The following SEPTIN10 variants were observed in gnomAD, a reference collection of about 807,000 sequenced individuals.
SEPTIN10 encodes the protein septin 10, also known as septin-10.
A neutral mutation model predicts 54.8 loss-of-function variants in SEPTIN10; 66 were observed. The ratio of observed to expected loss-of-function variants is 1.21; its 90% CI spans 0.99 to 1.48. The LOEUF (loss-of-function observed/expected upper bound fraction) is 1.48. Among genes scored for constraint, SEPTIN10 ranks in the 40% most tolerant of loss-of-function variants. The pLI is 0.00. For synonymous variants in SEPTIN10, 161 were observed against 181.0 expected (o/e 0.89, Z 0.89); for missense variants, 620 against 545.6 (o/e 1.14, Z -1.36).
chr2:109,613,706 G>A, intron 1 of SEPTIN10, 92 bp downstream of exon 1: 1 of 880,178 alleles, frequency 1.1e-6, no homozygotes, highest in Non-Finnish European at 1.5e-6. Flanking sequence ...TCACAATCCC[G>A]GGCCGGACCA....
At chr2:109,581,570 G>A (rs1427915940) in intron 4 of SEPTIN10, among the ~76,000 whole-genome samples, 2 of 151,598 alleles carry the variant, frequency 1.3e-5, no homozygotes, top group African/African-American at 4.8e-5. Flanking sequence ...TCCTCTGGGG[G>A]AAGAAATGGG....
At chr2:109,568,401 T>G (rs1380405664) in intron 5 of SEPTIN10, among the ~76,000 whole-genome samples, 2 of 141,012 alleles carry the variant, frequency 1.4e-5, no homozygotes, top group Admixed American at 1.5e-4. Context: ...TGAGATGGAG[T>G]CTCGCTGTAA....
intron 1 of SEPTIN10, among the ~76,000 whole-genome samples, chr2:109,594,477 T>C (rs1293719591): frequency 6.6e-6 from 1 of 152,208 alleles, no homozygotes; most frequent in Non-Finnish European, 1.5e-5. Context: ...GGTTTTTTTT[T>C]GCTGAATCTC....
At chr2:109,565,245 AG>A (rs1686698685) in intron 7 of SEPTIN10, among the ~76,000 whole-genome samples, 1 of 152,172 alleles carries the variant, frequency 6.6e-6, no homozygotes, top group Non-Finnish European at 1.5e-5. Flanking sequence ...AATCCATACT[AG>A]TAAGGGTAAT....
chr2:109,574,002 G>A (rs1036589460), intron 5 of SEPTIN10, among the ~76,000 whole-genome samples: 1 of 152,166 alleles, frequency 6.6e-6, no homozygotes, highest in Non-Finnish European at 1.5e-5. Context: ...CATTAAAAAT[G>A]CAGAGAATAC....
At chr2:109,612,732 AAC>A (rs1299244593) in intron 1 of SEPTIN10, among the ~76,000 whole-genome samples, 3 of 152,196 alleles carry the variant, frequency 2.0e-5, no homozygotes, top group African/African-American at 7.2e-5. Context: ...CATGCACACA[AAC>A]ACAGCAACTG....
intron 9 of SEPTIN10, among the ~76,000 whole-genome samples, chr2:109,548,661 A>G (rs1428180936): frequency 6.6e-6 from 1 of 150,952 alleles, no homozygotes; most frequent in Non-Finnish European, 1.5e-5. Context: ...CTGTAGTCCC[A>G]GCTACTCGGG....
chr2:109,565,938 A>G, intron 6 of SEPTIN10, 79 bp from the exon 7 acceptor site: 1 of 1,251,708 alleles, frequency 8.0e-7, no homozygotes, highest in East Asian at 2.3e-5. Flanking sequence ...GTGAGAGAGA[A>G]GAGAATAATT....
chr2:109,571,393 T>C (rs531786244), intron 5 of SEPTIN10, among the ~76,000 whole-genome samples: 1 of 152,340 alleles, frequency 6.6e-6, no homozygotes, highest in African/African-American at 2.4e-5. Flanking sequence ...TTATAGCCTA[T>C]GACACACCTA....
chr2:109,584,006 C>T (rs912103895), intron 4 of SEPTIN10, among the ~76,000 whole-genome samples: 6 of 152,170 alleles, frequency 3.9e-5, no homozygotes, highest in Middle Eastern at 3.4e-3. Context: ...AAGGAAGATA[C>T]CCGGTAAAGG....
At chr2:109,545,920 G>A in intron 10 of SEPTIN10, 130 bp downstream of exon 10, 1 of 1,449,670 alleles carries the variant, frequency 6.9e-7, no homozygotes, top group South Asian at 1.5e-5. Flanking sequence ...CTCCTCTCCA[G>A]GAGCTGACAT....
intron 8 of SEPTIN10, among the ~76,000 whole-genome samples, chr2:109,562,296 C>T (rs1468722649): frequency 1.3e-5 from 2 of 151,908 alleles, no homozygotes; most frequent in African/African-American, 4.8e-5. Context: ...CACTACCCCT[C>T]TCTTTCACGC....
At chr2:109,545,674 G>T (rs755558106) in intron 10 of SEPTIN10, 2 of 1,469,428 alleles carry the variant, frequency 1.4e-6, no homozygotes, top group African/African-American at 2.8e-5. Flanking sequence ...GCTTTATTTA[G>T]ACATGAAATT....
chr2:109,609,649 TAAGAA>T, intron 1 of SEPTIN10, among the ~76,000 whole-genome samples: 1 of 147,250 alleles, frequency 6.8e-6, no homozygotes, highest in East Asian at 2.0e-4. Flanking sequence ...AAGAAAGAAT[TAAGAA>T]TCACAACTTC....
intron 2 of SEPTIN10, among the ~76,000 whole-genome samples, chr2:109,588,586 C>CA (rs763416013): frequency 6.6e-6 from 1 of 152,008 alleles, no homozygotes; most frequent in Non-Finnish European, 1.5e-5. Flanking sequence ...CTCCGCCCCC[C>CA]AGGTTCAAGG....
In SEPTIN10 at chr2:109,544,296, T is replaced by C. The variant is rs765869786; in HGVS notation, c.*13A>G. ...CTTGTGATGATGACCTTCTGTGCTC[T>C]GGAACTTCTGTTTTACAAAAAATTG... On this transcript the variant is annotated 3_prime_UTR_variant, in exon 11 of 11. Coordinates refer to ENST00000397712, the MANE Select transcript of SEPTIN10 (RefSeq NM_144710.5). The C allele has an allele frequency of 3.7e-6, 6 of 1,602,280 alleles. No individual in the cohort carries two copies. Among genetic ancestry groups the C allele is most frequent in the Non-Finnish European group, 5.1e-6 (6 of 1,176,914 alleles).
In SEPTIN10 at chr2:109,565,748, C is replaced by T; in HGVS notation, c.859+15G>A. 6 of 1,603,840 alleles carry T rather than the reference C, an allele frequency of 3.7e-6. No homozygotes were observed. The South Asian group carries it at 4.4e-5, about 12-fold the overall frequency. On this transcript the variant is annotated intron_variant, in intron 7 of 10. Coordinates refer to ENST00000397712, the MANE Select transcript of SEPTIN10 (RefSeq NM_144710.5). ...AGATAGATACATATTTCTAGTCATC[C>T]TTTGTCTCATTTACCTTGTACAACA...
rs1277650801 is a variant in SEPTIN10, at chr2:109,543,422, G to T, written c.*887C>A. Reference sequence around the variant, plus strand: ...ACAGTAATACGTCAGCCATAATAAGGCATAATAAAGCATGAAGTCATCATA... The same window carrying T: ...ACAGTAATACGTCAGCCATAATAAGTCATAATAAAGCATGAAGTCATCATA... On this transcript the variant is annotated 3_prime_UTR_variant, in exon 11 of 11. Coordinates refer to ENST00000397712, the MANE Select transcript of SEPTIN10 (RefSeq NM_144710.5). 6.6e-6 allele frequency: 1 copy of T among 151,972 alleles called. No individual in the cohort carries two copies. Among genetic ancestry groups the T allele is most frequent in the African/African-American group, 2.4e-5 (1 of 41,352 alleles). The allele number at this position is 151,972 out of a possible 1,614,324, so 9.4% of individuals were successfully genotyped here.
chr2:109,584,296 G>A (rs1691921443), intron 4 of SEPTIN10, among the ~76,000 whole-genome samples: 1 of 30,368 alleles, frequency 3.3e-5, no homozygotes, highest in Non-Finnish European at 7.4e-5. Context: ...GGCCAACAAG[G>A]TGAAACCCGT....
Sources: gnomAD v4.1 joint callset for allele counts (sites outside exome capture counted in the v4.1 genomes callset) on GRCh38, gnomAD v4.1.1 for gene constraint, MANE v1.5 for transcripts, NCBI Gene and HGNC (gene_info 2026-07-23, HGNC 2026-07-21) for gene names.